ZNF609: variants seen among roughly 807,000 people sequenced by gnomAD.
The protein encoded by ZNF609 is zinc finger protein 609.
A neutral mutation model predicts 109.5 loss-of-function variants in ZNF609; 11 were observed. The observed-to-expected ratio is 0.10, with a 90% CI of 0.06 to 0.17. The LOEUF is 0.17. Ranked by LOEUF, ZNF609 falls within the 10% of genes least tolerant of loss-of-function variation. ZNF609 has a pLI of 1.00. For synonymous variants in ZNF609, 646 were observed against 662.0 expected (o/e 0.98, Z 0.37); for missense variants, 1,559 against 1,772.4 (o/e 0.88, Z 2.16).
chr15:64,470,800 G>A (rs993680899), intron 1 of ZNF609, among the ~76,000 whole-genome samples: 6 of 152,014 alleles, frequency 3.9e-5, no homozygotes, highest in Admixed American at 2.0e-4. Context: ...GATTACAGGC[G>A]TGAGCCACTG....
chr15:64,632,591 C>T (rs747400751), intron 3 of ZNF609, among the ~76,000 whole-genome samples: 3 of 151,998 alleles, frequency 2.0e-5, no homozygotes, highest in Non-Finnish European at 4.4e-5. Context: ...AAGTGATTCT[C>T]CTGCCTCAGC....
chr15:64,659,102 T>C (rs1896536656), intron 3 of ZNF609, among the ~76,000 whole-genome samples: 1 of 152,192 alleles, frequency 6.6e-6, no homozygotes, highest in African/African-American at 2.4e-5. Context: ...AAGATCTATG[T>C]TTCATTTGTA....
chr15:64,641,860 G>T (rs923378887), intron 3 of ZNF609, among the ~76,000 whole-genome samples: 1 of 152,084 alleles, frequency 6.6e-6, no homozygotes, highest in African/African-American at 2.4e-5. Context: ...TATTAATAAA[G>T]AACTCCTGGA....
At chr15:64,655,160 T>C (rs147731692) in intron 3 of ZNF609, among the ~76,000 whole-genome samples, 2 of 146,296 alleles carry the variant, frequency 1.4e-5, no homozygotes, top group East Asian at 2.0e-4. Context: ...AAAAAAATTA[T>C]AGCACCAAGT....
At chr15:64,659,835 CTT>C (rs755818323) in intron 3 of ZNF609, among the ~76,000 whole-genome samples, 46 of 137,158 alleles carry the variant, frequency 3.4e-4, no homozygotes, top group Admixed American at 7.4e-4. Context: ...TTCTTTCTTT[CTT>C]TTTTTTTTTT....
At chr15:64,518,587 G>C (rs936873401) in intron 2 of ZNF609, among the ~76,000 whole-genome samples, 2 of 152,192 alleles carry the variant, frequency 1.3e-5, no homozygotes, top group Admixed American at 6.5e-5. Flanking sequence ...AATTACTCTT[G>C]ATGTCATCTG....
Position 64,675,907 on chromosome 15 carries a change from A to C in ZNF609, c.3053A>C (p.Gln1018Pro). ...QQKRQSLEQQQRGVDKKAEMG... is the reference protein window; with the variant it reads ...QQKRQSLEQQPRGVDKKAEMG... ...AAACGCCAGAGCTTAGAGCAGCAGC[A>C]GCGGGGAGTGGACAAGAAGGCAGAG... The change falls in exon 5 of 10, where the codon CAG becomes CCG. Residue 1018 changes from glutamine to proline, a missense_variant. Physicochemically the swap from Gln to Pro is moderately conservative, Grantham distance 76. Coordinates refer to ENST00000326648, the MANE Select transcript of ZNF609 (RefSeq NM_015042.2). 1.9e-6 allele frequency: 3 copies of C among 1,614,246 alleles called. No homozygotes were observed. Among genetic ancestry groups the C allele is most frequent in the Non-Finnish European group, 2.5e-6 (3 of 1,180,040 alleles).
chr15:64,589,488 A>G (rs1458548058), intron 2 of ZNF609, among the ~76,000 whole-genome samples: 2 of 152,220 alleles, frequency 1.3e-5, no homozygotes, highest in African/African-American at 2.4e-5. Context: ...ACACACTAGC[A>G]TAATTTTTAT....
intron 2 of ZNF609, among the ~76,000 whole-genome samples, chr15:64,527,431 A>G (rs182944488): frequency 2.0e-5 from 3 of 151,678 alleles, no homozygotes; most frequent in East Asian, 1.9e-4. Flanking sequence ...AGCCTTACAC[A>G]TAAGATGGCA....
At chr15:64,596,782 G>T (rs1460031275) in intron 2 of ZNF609, among the ~76,000 whole-genome samples, 3 of 152,098 alleles carry the variant, frequency 2.0e-5, no homozygotes, top group Non-Finnish European at 4.4e-5. Flanking sequence ...AAATGGTTGG[G>T]TTCTGTTATC....
chr15:64,581,299 T>G (rs1021978326), intron 2 of ZNF609, among the ~76,000 whole-genome samples: 6 of 152,156 alleles, frequency 3.9e-5, no homozygotes, highest in Non-Finnish European at 8.8e-5. Context: ...GTATACGTCC[T>G]TGTGCATACA....
chr15:64,569,373 G>C (rs948696146), intron 2 of ZNF609, among the ~76,000 whole-genome samples: 1 of 152,178 alleles, frequency 6.6e-6, no homozygotes, highest in Non-Finnish European at 1.5e-5. Context: ...GACACATAGA[G>C]GATGCCTAAT....
intron 2 of ZNF609, among the ~76,000 whole-genome samples, chr15:64,582,470 A>G (rs1193075596): frequency 6.6e-6 from 1 of 152,166 alleles, no homozygotes; most frequent in Non-Finnish European, 1.5e-5. Flanking sequence ...GTTTGTACTG[A>G]GCATTACACT....
chr15:64,511,755 C>T (rs1373079842), intron 2 of ZNF609, among the ~76,000 whole-genome samples: 1 of 149,710 alleles, frequency 6.7e-6, no homozygotes, highest in Non-Finnish European at 1.5e-5. Context: ...CGCTCTGTCG[C>T]CCAGGCTGGA....
chr15:64,609,065 T>TTTCC (rs2140957816), intron 2 of ZNF609, among the ~76,000 whole-genome samples: 2 of 17,080 alleles, frequency 1.2e-4, no homozygotes, highest in African/African-American at 3.9e-4. Context: ...AGTTTTAATT[T>TTTCC]TTCTTTCTTT....
chr15:64,620,359 C>T (rs993707360), intron 2 of ZNF609, among the ~76,000 whole-genome samples: 2 of 152,190 alleles, frequency 1.3e-5, no homozygotes, highest in Non-Finnish European at 2.9e-5. Context: ...CTAACTTTCC[C>T]TCTCTAGTGA....
chr15:64,521,402 G>T (rs1315895271), intron 2 of ZNF609, among the ~76,000 whole-genome samples: 1 of 152,214 alleles, frequency 6.6e-6, no homozygotes, highest in Non-Finnish European at 1.5e-5. Context: ...ATATGGAGTA[G>T]GGAGGGAGCT....
chr15:64,674,014 C>G lies in ZNF609; in HGVS notation c.1160C>G (p.Ala387Gly). 1 of 1,614,138 alleles carries G rather than the reference C, an allele frequency of 6.2e-7. No individual in the cohort carries two copies. The highest frequency in any genetic ancestry group is 8.5e-7 in the Non-Finnish European group (1 of 1,180,036). Residue 387 changes from alanine (A) to glycine (G), a missense_variant, in exon 5 of 10, where the codon GCC becomes GGC. Physicochemically the swap from Ala to Gly is moderately conservative, Grantham distance 60 (BLOSUM62 0). Transcript: ENST00000326648. Reference protein sequence around the residue: ...PNSNTPVNETATASDSKGTSN... With the variant: ...PNSNTPVNETGTASDSKGTSN... ...AGTAATACACCTGTCAATGAGACAG[C>G]CACAGCCTCTGACAGCAAAGGGACC...
At chr15:64,491,243 G>C (rs558241861) in intron 1 of ZNF609, among the ~76,000 whole-genome samples, 6 of 152,226 alleles carry the variant, frequency 3.9e-5, no homozygotes, top group Non-Finnish European at 8.8e-5. Context: ...GGCAGGTAGA[G>C]AGGGAGATGC....
Sources: gnomAD v4.1 joint callset for allele counts (sites outside exome capture counted in the v4.1 genomes callset) on GRCh38, gnomAD v4.1.1 for gene constraint, MANE v1.5 for transcripts, NCBI Gene and HGNC (gene_info 2026-07-23, HGNC 2026-07-21) for gene names.